INPP4B: variants seen among roughly 807,000 people sequenced by gnomAD.
INPP4B encodes the protein inositol polyphosphate 4-phosphatase type II.
In INPP4B, 55 loss-of-function variants were observed where a neutral mutation model predicts 122.5. The observed-to-expected ratio is 0.45, with a 90% CI of 0.36 to 0.56. The LOEUF is 0.56. INPP4B is among the 20% of genes least tolerant of loss of function. The pLI, the probability that INPP4B is intolerant of heterozygous loss-of-function variation, is 0.00. For synonymous variants in INPP4B, 403 were observed against 388.7 expected, an observed-to-expected ratio of 1.04 and a Z score of -0.43; for missense variants, 1,000 against 1,097.7, an observed-to-expected ratio of 0.91 and a Z score of 1.26.
chr4:142,774,558 A>G (rs1773566078), intron 1 of INPP4B, among the ~76,000 whole-genome samples: 1 of 152,116 alleles, frequency 6.6e-6, no homozygotes, highest in Admixed American at 6.6e-5. Context: ...GGCAGTAATT[A>G]TAAGTAATTC....
intron 5 of INPP4B, among the ~76,000 whole-genome samples, chr4:142,418,739 G>A (rs1241772966): frequency 1.3e-5 from 2 of 152,094 alleles, no homozygotes; most frequent in African/African-American, 2.4e-5. Flanking sequence ...AGGTGAGAAT[G>A]GCCTGCTCCT....
intron 25 of INPP4B, among the ~76,000 whole-genome samples, chr4:142,072,955 A>G (rs561208237): frequency 5.9e-5 from 9 of 152,078 alleles, no homozygotes; most frequent in Non-Finnish European, 1.3e-4. Context: ...AAGTGGAGAA[A>G]TCAGGCAGTC....
At chr4:142,451,164 G>A (rs1425390859) in intron 3 of INPP4B, among the ~76,000 whole-genome samples, 1 of 151,336 alleles carries the variant, frequency 6.6e-6, no homozygotes, top group East Asian at 1.9e-4. Context: ...TACTTTCTGT[G>A]GACAAGCCAG....
Position 142,107,981 on chromosome 4 carries a change from T to C in INPP4B, c.2374+112A>G, listed in dbSNP as rs577382985. On this transcript the variant is annotated intron_variant, in intron 23 of 25. Transcript: ENST00000262992. ...TTGGATCAGATAATTTCAAAATCAC[T>C]CTCACATCCCTACCCCTGCTTCTGT... 43 of 605,276 alleles carry C rather than the reference T, an allele frequency of 7.1e-5. No homozygotes were observed. The East Asian group carries it at 1.2e-3, about 17-fold the overall frequency. The allele number at this position is 605,276 out of a possible 1,614,324, so 37.5% of individuals were successfully genotyped here.
At chr4:142,387,034 T>G (rs1796185970) in intron 7 of INPP4B, among the ~76,000 whole-genome samples, 1 of 152,150 alleles carries the variant, frequency 6.6e-6, no homozygotes. Context: ...AGCAAATTTT[T>G]GTTCCAAACT....
intron 18 of INPP4B, among the ~76,000 whole-genome samples, chr4:142,137,590 G>C (rs1805232554): frequency 1.0e-5 from 1 of 96,018 alleles, no homozygotes; most frequent in South Asian, 5.1e-4. Flanking sequence ...CCATCAGAGT[G>C]AACAGGCAAC....
chr4:142,697,352 T>C (rs1761168266), intron 2 of INPP4B, among the ~76,000 whole-genome samples: 1 of 152,136 alleles, frequency 6.6e-6, no homozygotes, highest in Non-Finnish European at 1.5e-5. Context: ...TTGCCATTCA[T>C]AAAAACAGAG....
At chr4:142,107,498 G>A (rs1787750770) in intron 23 of INPP4B, among the ~76,000 whole-genome samples, 1 of 152,076 alleles carries the variant, frequency 6.6e-6, no homozygotes, top group Non-Finnish European at 1.5e-5. Context: ...TGCTTAATAC[G>A]ATGGGGAAAA....
rs554885029 is a variant in INPP4B at position 142,185,858 on chromosome 4, G to A, written c.1181+7229C>T. ...TGCGCCACTGCACTACCTCCTGGGC[G>A]ACAGAGCAAGACACCATCTCAAAAC... On this transcript the variant is annotated intron_variant, in intron 15 of 25. Coordinates refer to ENST00000262992, the MANE Select transcript of INPP4B (RefSeq NM_001101669.3). Among the ~76,000 whole-genome samples the A allele has an allele frequency of 1.8e-3, 225 of 124,836 alleles. 1 individual carries two copies. Among genetic ancestry groups the A allele is most frequent in the Non-Finnish European group, 3.0e-3 (191 of 63,490 alleles). 81.9% of individuals were successfully genotyped at this position (124,836 alleles called of 152,430 possible). A position where few individuals can be genotyped will look rare whatever the true frequency, so the allele number is the denominator to read the frequency against.
At chr4:142,724,027 G>A (rs964002074) in intron 2 of INPP4B, among the ~76,000 whole-genome samples, 2 of 151,902 alleles carry the variant, frequency 1.3e-5, no homozygotes, top group Non-Finnish European at 2.9e-5. Context: ...AATCACCTTG[G>A]GAGTTGTATC....
In INPP4B at chr4:142,405,186, G is replaced by T; in HGVS notation, c.255+20C>A. The stretch of plus-strand genomic sequence containing the variant: ...GAGAGAGAGAGAGAGAGAGATTAAT[G>T]TAGGCACACAGCATCTCACCTCCAC... On this transcript the variant is annotated intron_variant, in intron 6 of 25. Coordinates refer to ENST00000262992, the MANE Select transcript of INPP4B (RefSeq NM_001101669.3). 4 of 1,243,202 alleles carry T rather than the reference G, an allele frequency of 3.2e-6. No homozygotes were observed. Among genetic ancestry groups the T allele is most frequent in the Non-Finnish European group, 3.5e-6 (3 of 853,892 alleles). 77.0% of individuals were successfully genotyped at this position (1,243,202 alleles called of 1,614,324 possible).
intron 21 of INPP4B, among the ~76,000 whole-genome samples, chr4:142,116,727 C>G (rs1793701554): frequency 6.6e-6 from 1 of 152,076 alleles, no homozygotes; most frequent in Admixed American, 6.6e-5. Context: ...CTAAAATTGA[C>G]ACCCTAACAT....
chr4:142,788,554 T>C (rs1285164495), intron 1 of INPP4B, among the ~76,000 whole-genome samples: 1 of 152,136 alleles, frequency 6.6e-6, no homozygotes, highest in Admixed American at 6.6e-5. Context: ...TGTGAGATTT[T>C]GGTGCACCCA....
In INPP4B at chr4:142,503,913, T is replaced by C. The variant is rs1823692229; in HGVS notation, c.-190-41187A>G. On this transcript the variant is annotated intron_variant, in intron 2 of 25. Transcript: ENST00000262992. ...AACTAGGTATCTAAAAATTATTTAT[T>C]CCCATCCTTCACCATACACAAAAAA... is the stretch of plus-strand genomic sequence containing the variant. Among the ~76,000 whole-genome samples the C allele has an allele frequency of 2.6e-5, 4 of 152,062 alleles. No homozygotes were observed. The South Asian group carries it at 8.3e-4, about 31-fold the overall frequency.
chr4:142,311,695 G>A (rs1872293), intron 8 of INPP4B, among the ~76,000 whole-genome samples: 46,446 of 152,004 alleles, frequency 0.31, 8,357 homozygotes, highest in African/African-American at 0.51. Flanking sequence ...AATGAGAATT[G>A]TACCCAGATT....
intron 1 of INPP4B, among the ~76,000 whole-genome samples, chr4:142,803,902 C>CA (rs904912144): frequency 3.4e-4 from 51 of 151,644 alleles, no homozygotes; most frequent in African/African-American, 1.2e-3. Context: ...ACTAAAAATA[C>CA]AAAAAAATTA....
chr4:142,224,495 A>G (rs2149747903), intron 12 of INPP4B, among the ~76,000 whole-genome samples: 1 of 152,302 alleles, frequency 6.6e-6, no homozygotes, highest in African/African-American at 2.4e-5. Flanking sequence ...TGTCTCTCAG[A>G]ATAGCTTTAC....
At chr4:142,421,367 T>TA (rs1308260337) in intron 5 of INPP4B, among the ~76,000 whole-genome samples, 6 of 152,066 alleles carry the variant, frequency 3.9e-5, no homozygotes, top group African/African-American at 1.4e-4. Context: ...ACAGCCTGCC[T>TA]AAAAAATCCT....
At chr4:142,530,578 T>TATAC (rs1491512256) in intron 2 of INPP4B, among the ~76,000 whole-genome samples, 3 of 109,624 alleles carry the variant, frequency 2.7e-5, no homozygotes, top group East Asian at 3.0e-4. Context: ...TATATATATA[T>TATAC]ACACACACAC....
Sources: gnomAD v4.1 joint callset for allele counts (sites outside exome capture counted in the v4.1 genomes callset) on GRCh38, gnomAD v4.1.1 for gene constraint, MANE v1.5 for transcripts, NCBI Gene and HGNC (gene_info 2026-07-23, HGNC 2026-07-21) for gene names.